The following SELENBP1 variants were observed in gnomAD, a reference collection of about 807,000 sequenced individuals.
SELENBP1 encodes methanethiol oxidase.
Under a neutral mutation model 61.0 loss-of-function variants are expected in SELENBP1, and 71 were observed. The ratio of observed to expected loss-of-function variants is 1.16; its 90% CI spans 0.96 to 1.42. The LOEUF (loss-of-function observed/expected upper bound fraction) is 1.42, where lower values mean the gene tolerates loss of function less well. SELENBP1 is among the 40% of genes most tolerant of loss of function. The pLI, the probability that SELENBP1 is intolerant of heterozygous loss-of-function variation, is 0.00. For missense variants in SELENBP1, 561 were observed against 605.0 expected (o/e 0.93, Z 0.76); for synonymous variants, 270 against 238.9 (o/e 1.13, Z -1.20).
At position 151,368,246 on chromosome 1, in the gene SELENBP1, C is replaced by T. The variant is rs368168545; in HGVS notation, c.434G>A (p.Gly145Glu). 1.1e-5 allele frequency: 18 copies of T among 1,614,174 alleles called. No homozygotes were observed. Among genetic ancestry groups the T allele is most frequent in the Non-Finnish European group, 1.5e-5 (18 of 1,180,028 alleles). Residue 145 changes from glycine to glutamate, a missense_variant, in exon 5 of 12, where the codon GGG (glycine) becomes GAG (glutamate). Gly to Glu is a moderately conservative substitution (Grantham distance 98). Transcript: ENST00000368868. ...FLHTSHCLASGEVMISSLGDV... is the reference protein window; with the variant it reads ...FLHTSHCLASEEVMISSLGDV... ...TCCCAGGGAGCTGATCATCACTTCC[C>T]CGCTGGCCAGGCAGTGGCTGGTGTG...
At chr1:151,367,523 G>A (rs1571282789) in intron 5 of SELENBP1, among the ~76,000 whole-genome samples, 4 of 151,892 alleles carry the variant, frequency 2.6e-5, no homozygotes, top group East Asian at 1.9e-4. Flanking sequence ...CAGCAGAAAC[G>A]TTTCTCCCAC....
rs1382040989 is a variant in SELENBP1 at position 151,368,976 on chromosome 1, A to G, written c.360+28T>C. ...TGGGGTGGCAGGTGTCTTATGGTCT[A>G]CTGAGCTGGCAAGGGCAGAGGACAT... On this transcript the variant is annotated intron_variant, in intron 4 of 11. Transcript: ENST00000368868. 3 of 1,586,586 alleles carry G rather than the reference A, an allele frequency of 1.9e-6. No homozygotes were observed. In the South Asian group the frequency reaches 3.4e-5, roughly 18 times the overall value.
Position 151,368,289 on chromosome 1 carries a change from A to T in SELENBP1, c.391T>A (p.Cys131Ser). The change falls in exon 5 of 12, where the codon TGC becomes AGC. Residue 131 changes from cysteine (C) to serine (S), a missense_variant. By Grantham distance (112) the Cys-to-Ser change is moderately radical. Coordinates refer to ENST00000368868, the MANE Select transcript of SELENBP1 (RefSeq NM_003944.4). ...VIEPKDIHAK[C>S]ELAFLHTSHC... is the part of the protein sequence containing the mutation. ...CTGGTGTGGAGAAAGGCCAGTTCGCACTTGGCATGGATGTCCTTGGGCTCA... is the reference window on the plus strand; with the variant it reads ...CTGGTGTGGAGAAAGGCCAGTTCGCTCTTGGCATGGATGTCCTTGGGCTCA... 1 of 1,614,170 alleles carries T rather than the reference A, an allele frequency of 6.2e-7. No individual in the cohort carries two copies. The highest frequency in any genetic ancestry group is 8.5e-7 in the Non-Finnish European group (1 of 1,180,038).
chr1:151,368,348 T>C, intron 4 of SELENBP1, 29 bp from the exon 5 acceptor site: 4 of 1,612,810 alleles, frequency 2.5e-6, no homozygotes, highest in Non-Finnish European at 3.4e-6. Flanking sequence ...GGTGTCAGAA[T>C]CATACAGGAC....
chr1:151,368,673 T>C (rs1195393110), intron 4 of SELENBP1, among the ~76,000 whole-genome samples: 1 of 152,188 alleles, frequency 6.6e-6, no homozygotes, highest in Non-Finnish European at 1.5e-5. Flanking sequence ...GCACCAAAAG[T>C]GCACTAAACA....
At chr1:151,366,943 T>C in intron 5 of SELENBP1, 39 bp from the exon 6 acceptor site, 3 of 1,602,196 alleles carry the variant, frequency 1.9e-6, no homozygotes, top group Non-Finnish European at 2.6e-6. Context: ...GTAGAAGCAG[T>C]AGAGACACTA....
At chr1:151,366,491 CA>C (rs1178957877) in intron 6 of SELENBP1, 38 bp from the exon 7 acceptor site, 2 of 1,598,514 alleles carry the variant, frequency 1.3e-6, no homozygotes, top group Non-Finnish European at 1.7e-6. Flanking sequence ...GGCTCAGCAT[CA>C]GAGGTTGGAA....
rs147950087 is a variant in SELENBP1, at chr1:151,369,970, A to T, written c.5-201T>A. On this transcript the variant is annotated intron_variant, in intron 1 of 11. Transcript: ENST00000368868. ...GAGGTTGTGCTGGGAAGAGCTGGAG[A>T]CACATGACCTGAAGGTGGACAGACA... The T allele has an allele frequency of 1.6e-4, 230 of 1,478,734 alleles. No individual in the cohort carries two copies. In the African/African-American group the frequency reaches 3.0e-3, roughly 19 times the overall value. The allele number at this position is 1,478,734 out of a possible 1,614,324, so 91.6% of individuals were successfully genotyped here.
At chr1:151,367,014 AC>A (rs966250583) in intron 5 of SELENBP1, 110 bp from the exon 6 acceptor site, 7 of 1,502,212 alleles carry the variant, frequency 4.7e-6, no homozygotes, top group Middle Eastern at 2.2e-4. Flanking sequence ...CATTGCCTCT[AC>A]CTCCACTGCT....
intron 7 of SELENBP1, 118 bp downstream of exon 7, chr1:151,366,157 G>A: frequency 3.3e-6 from 4 of 1,213,408 alleles, no homozygotes; most frequent in Non-Finnish European, 3.5e-6. Flanking sequence ...GAGAGACAGG[G>A]CATGCAGCCT....
intron 1 of SELENBP1, chr1:151,370,039 C>T (rs372735538): frequency 3.5e-5 from 50 of 1,424,904 alleles, no homozygotes; most frequent in East Asian, 1.0e-4. Flanking sequence ...CTGATGCAGC[C>T]GGGGTCGTGT....
At position 151,366,531 on chromosome 1, in the gene SELENBP1, AG is replaced by A. The variant is rs565979644; in HGVS notation, c.665-79del. 151 of 1,516,066 alleles carry A rather than the reference AG, an allele frequency of 1.0e-4. No homozygotes were observed. The East Asian group carries it at 3.1e-3, about 31-fold the overall frequency. 93.9% of individuals were successfully genotyped at this position (1,516,066 alleles called of 1,614,324 possible). ...ATGGGCAAAGACTGGGCCACCAATCAGGGCAGAAGGTTAAGAAATGGATTGG... is the reference window on the plus strand; with the variant it reads ...ATGGGCAAAGACTGGGCCACCAATCAGGCAGAAGGTTAAGAAATGGATTGG... On this transcript the variant is annotated intron_variant, in intron 6 of 11. Coordinates refer to ENST00000368868, the MANE Select transcript of SELENBP1 (RefSeq NM_003944.4).
chr1:151,366,787 A>T lies in SELENBP1; in HGVS notation c.599T>A (p.Ile200Asn), dbSNP rs763465622. The T allele has an allele frequency of 6.2e-7, 1 of 1,614,154 alleles. No individual in the cohort carries two copies. Among genetic ancestry groups the T allele is most frequent in the Non-Finnish European group, 8.5e-7 (1 of 1,180,018 alleles). The change falls in exon 6 of 12, where the codon ATC becomes AAC. Residue 200 changes from isoleucine (I) to asparagine (N), a missense_variant. Transcript: ENST00000368868. ...ATTGGGAGCTGCCCACTCAGTGCTG[A>T]TCATGACATTGTGTCGAGGCTGGTA... is the stretch of plus-strand genomic sequence containing the variant. ...FWYQPRHNVMISTEWAAPNVL... is the reference protein window; with the variant it reads ...FWYQPRHNVMNSTEWAAPNVL...
chr1:151,369,473 T>A lies in SELENBP1; in HGVS notation c.143A>T (p.Asp48Val). 6.2e-7 allele frequency: 1 copy of A among 1,613,046 alleles called. No homozygotes were observed. The highest frequency in any genetic ancestry group is 1.1e-5 in the South Asian group (1 of 90,740). ...TEAPDYLATV[D>V]VDPKSPQYCQ... ...ATACTGGGGAGACTTGGGGTCAACA[T>A]CCACAGTGGCCAGATAATCTGGGGC... The change falls in exon 3 of 12, where the codon GAT (aspartate) becomes GTT (valine). Residue 48 changes from aspartate to valine, a missense_variant. Asp to Val is a radical substitution (Grantham distance 152). Coordinates refer to ENST00000368868, the MANE Select transcript of SELENBP1 (RefSeq NM_003944.4).
Position 151,364,611 on chromosome 1 carries a change from G to T in SELENBP1, c.1351C>A (p.Leu451Ile), listed in dbSNP as rs1408513475. 4 of 1,613,914 alleles carry T rather than the reference G, an allele frequency of 2.5e-6. No individual in the cohort carries two copies. Among genetic ancestry groups the T allele is most frequent in the Non-Finnish European group, 3.4e-6 (4 of 1,179,900 alleles). Residue 451 changes from leucine to isoleucine, a missense_variant, in exon 12 of 12, where the codon CTT becomes ATT. By Grantham distance (5) the Leu-to-Ile change is conservative (BLOSUM62 2). Transcript: ENST00000368868. ...NFLVDFGKEP[L>I]GPALAHELRY... ...AGCTCATGGGCAAGGGCTGGGCCAA[G>T]GGGCTCCTTCCCGAAGTCCACCAGG...
rs769279661 is a variant in SELENBP1, at chr1:151,365,569, T to G, written c.1038A>C (p.Thr346=). 1.2e-6 allele frequency: 2 copies of G among 1,614,146 alleles called. No homozygotes were observed. The highest frequency in any genetic ancestry group is 2.2e-5 in the South Asian group (2 of 91,076). ...CTCCTGCCAGGGTCTCCACCTGTCC[T>G]GTGAGGCGGGGTCTCTGTGGGTCAG... ...DISDPQRPRL[T]GQLFLGGSIV... Residue 346 remains threonine (T), a synonymous_variant, in exon 9 of 12, where the codon ACA becomes ACC. Coordinates refer to ENST00000368868, the MANE Select transcript of SELENBP1 (RefSeq NM_003944.4).
intron 7 of SELENBP1, 103 bp from the exon 8 acceptor site, chr1:151,365,949 G>C: frequency 8.1e-7 from 1 of 1,227,286 alleles, no homozygotes; most frequent in Non-Finnish European, 1.2e-6. Flanking sequence ...GGGAGGGAGA[G>C]AATAGATGCC....
intron 9 of SELENBP1, 37 bp downstream of exon 9, chr1:151,365,526 C>T (rs774579163): frequency 6.2e-7 from 1 of 1,612,742 alleles, no homozygotes; most frequent in East Asian, 2.2e-5. Flanking sequence ...CTTCTCTTTC[C>T]TTCCTTCCCT....
chr1:151,369,119 C>G lies in SELENBP1; in HGVS notation c.245G>C (p.Ser82Thr), dbSNP rs769886012. 4 of 1,614,060 alleles carry G rather than the reference C, an allele frequency of 2.5e-6. No individual in the cohort carries two copies. The highest frequency in any genetic ancestry group is 3.4e-6 in the Non-Finnish European group (4 of 1,180,000). ...LHHSGWNTCS[S>T]CFGDSTKSRT... ...CGACTTGGTGCTATCACCGAAGCAG[C>G]TGCTGCAGGTGTTCCATCCTGAGTG... The change falls in exon 4 of 12, where the codon AGC (serine) becomes ACC (threonine). Residue 82 changes from serine to threonine, a missense_variant. Transcript: ENST00000368868.
Sources: allele counts gnomAD v4.1 joint callset (sites outside exome capture counted in the v4.1 genomes callset), GRCh38; gene constraint gnomAD v4.1.1; transcripts MANE v1.5; gene names NCBI Gene and HGNC (gene_info 2026-07-23, HGNC 2026-07-21).